The following LPCAT3 variants were observed in gnomAD, a reference collection of about 807,000 sequenced individuals.
The protein encoded by LPCAT3 is lysophospholipid acyltransferase 5.
LPCAT3 carries 21 observed loss-of-function variants against 63.4 expected under a neutral mutation model. The observed-to-expected ratio is 0.33, with a 90% CI of 0.23 to 0.48. LPCAT3 has a LOEUF of 0.48. Ranked by LOEUF, LPCAT3 falls within the 20% of genes least tolerant of loss-of-function variation. The pLI is 0.99. For missense variants in LPCAT3, 451 were observed against 590.6 expected (o/e 0.76, Z 2.45); for synonymous variants, 242 against 227.5 (o/e 1.06, Z -0.58).
At chr12:7,014,357 C>T (rs1005829779) in intron 1 of LPCAT3, among the ~76,000 whole-genome samples, 1 of 152,138 alleles carries the variant, frequency 6.6e-6, no homozygotes, top group Non-Finnish European at 1.5e-5. Context: ...GTATTAGTTA[C>T]ATTAAGGAGT....
At chr12:7,001,604 C>T in intron 1 of LPCAT3, 1 of 428,878 alleles carries the variant, frequency 2.3e-6, no homozygotes, top group Non-Finnish European at 4.8e-6. Flanking sequence ...CTGAGGAGGG[C>T]TGGGGCTGAC....
intron 5 of LPCAT3, 115 bp downstream of exon 5, chr12:6,981,480 G>A: frequency 9.7e-7 from 1 of 1,031,560 alleles, no homozygotes; most frequent in Non-Finnish European, 1.5e-6. Flanking sequence ...GATTGCACAG[G>A]CTGGGGAATG....
intron 1 of LPCAT3, among the ~76,000 whole-genome samples, chr12:7,014,040 G>T (rs1946782175): frequency 6.6e-6 from 1 of 152,192 alleles, no homozygotes; most frequent in South Asian, 2.1e-4. Context: ...TCACACCTCA[G>T]TGCCTCTGCT....
At chr12:7,015,312 G>A (rs1327930167) in intron 1 of LPCAT3, among the ~76,000 whole-genome samples, 3 of 152,188 alleles carry the variant, frequency 2.0e-5, no homozygotes, top group African/African-American at 7.2e-5. Context: ...AATCTAATCA[G>A]TGGAAAGTGA....
intron 1 of LPCAT3, among the ~76,000 whole-genome samples, chr12:7,009,735 A>G (rs1255281571): frequency 2.0e-5 from 3 of 152,250 alleles, no homozygotes; most frequent in African/African-American, 4.8e-5. Context: ...CAACATCCCA[A>G]TGAGCAACAG....
intron 1 of LPCAT3, among the ~76,000 whole-genome samples, chr12:7,000,086 A>C (rs1413604472): frequency 1.3e-5 from 2 of 151,166 alleles, no homozygotes; most frequent in Non-Finnish European, 3.0e-5. Context: ...TGCCTGGCTA[A>C]TTTTTGTATT....
intron 6 of LPCAT3, 120 bp downstream of exon 6, chr12:6,980,884 A>T: frequency 1.0e-6 from 1 of 987,128 alleles, no homozygotes; most frequent in Non-Finnish European, 1.5e-6. Context: ...ACAACAGTCC[A>T]GGGCCTGCAT....
In LPCAT3 at chr12:6,977,740, A is replaced by G. The variant is rs80101148; in HGVS notation, c.1046T>C (p.Ile349Thr). ...INTNAWVARY[I>T]FKRLKFLGNK... ...TCCAAGGAACTTGAGTCGTTTGAAG[A>G]TGTAGCTGGAGAAAAGGGTGGGTGG... The change falls in exon 10 of 13, where the codon ATC (isoleucine) becomes ACC (threonine). Residue 349 changes from isoleucine (I) to threonine (T), a missense_variant. This residue lies in a region of LPCAT3 where 304 missense variants were observed against 390.8 expected (regional missense o/e 0.78). Coordinates refer to ENST00000261407, the MANE Select transcript of LPCAT3 (RefSeq NM_005768.6). This position sits in a 1 kb window ranked among gnomAD's most constrained non-coding sequence, Gnocchi z 4.5. The G allele has an allele frequency of 6.5e-4, 1,053 of 1,614,004 alleles. 6 individuals carry two copies. The African/African-American group carries it at 0.013, about 19-fold the overall frequency.
rs189868102 is a variant in LPCAT3 at position 6,993,099 on chromosome 12, A to G, written c.152-9560T>C. Among the ~76,000 whole-genome samples, 11 of 152,324 alleles carry G rather than the reference A, an allele frequency of 7.2e-5. No homozygotes were observed. In the East Asian group the frequency reaches 1.9e-3, roughly 27 times the overall value. On this transcript the variant is annotated intron_variant, in intron 1 of 12. Coordinates refer to ENST00000261407, the MANE Select transcript of LPCAT3 (RefSeq NM_005768.6). Reference sequence around the variant, plus strand: ...TTTTTCTACTGAGATATAATTTACCATAAAATTCACCCTTCAAAGTGTAAA... The same window carrying G: ...TTTTTCTACTGAGATATAATTTACCGTAAAATTCACCCTTCAAAGTGTAAA...
At chr12:7,002,537 A>G (rs1266929657) in intron 1 of LPCAT3, among the ~76,000 whole-genome samples, 2 of 152,190 alleles carry the variant, frequency 1.3e-5, no homozygotes, top group African/African-American at 4.8e-5. Context: ...AAATGTGGTG[A>G]GACTTCTTCT....
In LPCAT3 at chr12:6,977,223, G is replaced by A. The variant is rs371126597; in HGVS notation, c.1387C>T (p.Leu463=). Residue 463 remains leucine (L), a synonymous_variant, in exon 12 of 13, where the codon CTG becomes TTG. Transcript: ENST00000261407. The surrounding 1 kb of genome is among the most constrained non-coding windows in gnomAD (Gnocchi z 4.5). ...SIYFLGHIFF[L]SLLFILPYIH... ...TAAGGCAATATGAATAGTAGGCTCA[G>A]GAAGAAGATGTGGCCAAGGAAATAG... 16 of 1,614,024 alleles carry A rather than the reference G, an allele frequency of 9.9e-6. No homozygotes were observed. Among genetic ancestry groups the A allele is most frequent in the East Asian group, 8.9e-5 (4 of 44,888 alleles).
chr12:7,010,448 C>T (rs1236126791), intron 1 of LPCAT3, among the ~76,000 whole-genome samples: 1 of 152,182 alleles, frequency 6.6e-6, no homozygotes, highest in Non-Finnish European at 1.5e-5. Context: ...CAAGGCCTCA[C>T]TCCTGTTGCC....
At chr12:7,007,596 G>C (rs1946735434) in intron 1 of LPCAT3, among the ~76,000 whole-genome samples, 1 of 147,070 alleles carries the variant, frequency 6.8e-6, no homozygotes, top group African/African-American at 2.5e-5. Flanking sequence ...CCAGGTTCAA[G>C]CGATTCTCCT....
intron 1 of LPCAT3, among the ~76,000 whole-genome samples, chr12:7,007,876 T>C (rs1946738361): frequency 6.6e-6 from 1 of 152,230 alleles, no homozygotes; most frequent in Admixed American, 6.5e-5. Context: ...GATGACTTCA[T>C]GTGAGCCAAG....
rs1555154416 is a variant in LPCAT3 at position 6,983,535 on chromosome 12, G to A, written c.156C>T (p.Tyr52=). Residue 52 remains tyrosine (Y), a synonymous_variant, in exon 2 of 13, where the codon TAC becomes TAT. Transcript: ENST00000261407. ...AATGCCGATAAAACAAAGCAAAGGG[G>A]TAACCTAGATGGGGGAAAAGATAAG... is the stretch of plus-strand genomic sequence containing the variant. ...LRLIISIFLG[Y]PFALFYRHYL... The A allele has an allele frequency of 1.3e-6, 2 of 1,594,848 alleles. No homozygotes were observed. The highest frequency in any genetic ancestry group is 3.3e-5 in the Admixed American group (2 of 59,796).
In LPCAT3 at chr12:6,977,092, C is replaced by G. The variant is rs1555153299; in HGVS notation, c.*12+42G>C. 2 of 1,228,950 alleles carry G rather than the reference C, an allele frequency of 1.6e-6. No individual in the cohort carries two copies. The highest frequency in any genetic ancestry group is 3.0e-5 in the African/African-American group (2 of 67,242). 76.1% of individuals were successfully genotyped at this position (1,228,950 alleles called of 1,614,324 possible). The stretch of plus-strand genomic sequence containing the variant: ...TTTTTTTCCAGTCTGTTGCTCTATT[C>G]TGTAACCTGGTGGTAGTTTTAGTTT... On this transcript the variant is annotated intron_variant, in intron 12 of 12. Transcript: ENST00000261407. The surrounding 1 kb of genome is among the most constrained non-coding windows in gnomAD (Gnocchi z 4.5).
intron 1 of LPCAT3, among the ~76,000 whole-genome samples, chr12:7,011,665 A>AAAAG (rs1222274542): frequency 4.8e-5 from 7 of 146,270 alleles, no homozygotes; most frequent in East Asian, 1.9e-4. Context: ...AAAAAAAAAA[A>AAAAG]AAAGAAAGAA....
intron 1 of LPCAT3, among the ~76,000 whole-genome samples, chr12:7,014,504 CT>C (rs1485766874): frequency 3.9e-5 from 6 of 152,300 alleles, no homozygotes; most frequent in African/African-American, 1.4e-4. Flanking sequence ...AAACACACTC[CT>C]TTTACAGTCT....
Position 6,977,180 on chromosome 12 carries a change from A to G in LPCAT3, c.1430T>C (p.Val477Ala). Residue 477 changes from valine (V) to alanine (A), a missense_variant, in exon 12 of 13, where the codon GTG becomes GCG. Coordinates refer to ENST00000261407, the MANE Select transcript of LPCAT3 (RefSeq NM_005768.6). The surrounding 1 kb of genome is among the most constrained non-coding windows in gnomAD (Gnocchi z 4.5). ...FILPYIHKAM[V>A]PRKEKLKKME Reference sequence around the variant, plus strand: ...CTTCTTTAACTTCTCTTTCCTTGGCACCATTGCTTTGTGAATATAAGGCAA... The same window carrying G: ...CTTCTTTAACTTCTCTTTCCTTGGCGCCATTGCTTTGTGAATATAAGGCAA... 3 of 1,613,304 alleles carry G rather than the reference A, an allele frequency of 1.9e-6. No individual in the cohort carries two copies. In the South Asian group the frequency reaches 3.3e-5, roughly 18 times the overall value.
Sources: gnomAD v4.1 joint callset for allele counts (sites outside exome capture counted in the v4.1 genomes callset) on GRCh38, gnomAD v4.1.1 for gene constraint, gnomAD v4.1.1 regional missense constraint, Gnocchi (gnomAD v3.1) non-coding constraint, MANE v1.5 for transcripts, NCBI Gene and HGNC (gene_info 2026-07-23, HGNC 2026-07-21) for gene names.